Variants in TMEM131 observed in about 807,000 individuals in gnomAD.
TMEM131 encodes the protein 2610524E03Rik.
In TMEM131, 66 loss-of-function variants were observed where a neutral mutation model predicts 211.6. That is an observed-to-expected ratio of 0.31 (90% confidence interval 0.26 to 0.38). The LOEUF (loss-of-function observed/expected upper bound fraction) is 0.38. Ranked by LOEUF, TMEM131 falls within the 10% of genes least tolerant of loss-of-function variation. TMEM131 has a pLI of 1.00. For synonymous variants in TMEM131, 844 were observed against 841.3 expected (o/e 1.00, Z -0.06); for missense variants, 2,036 against 2,299.3 (o/e 0.89, Z 2.34).
intron 1 of TMEM131, among the ~76,000 whole-genome samples, chr2:97,949,654 A>T (rs1678206580): frequency 6.6e-6 from 1 of 151,394 alleles, no homozygotes; most frequent in African/African-American, 2.4e-5. Flanking sequence ...TCTACTGAAA[A>T]AAAAAATACA....
intron 1 of TMEM131, among the ~76,000 whole-genome samples, chr2:97,976,453 G>C (rs1679538992): frequency 6.6e-6 from 1 of 151,774 alleles, no homozygotes; most frequent in South Asian, 2.1e-4. Context: ...GAAATACTTA[G>C]AGATAAATAT....
chr2:97,902,085 T>TA (rs889657744), intron 3 of TMEM131, among the ~76,000 whole-genome samples: 5 of 149,240 alleles, frequency 3.4e-5, no homozygotes, highest in African/African-American at 4.9e-5. Flanking sequence ...TATGCAATAA[T>TA]AAAAAAAAAT....
At chr2:97,853,607 GAAAAA>G (rs565061872) in intron 5 of TMEM131, among the ~76,000 whole-genome samples, 2 of 125,006 alleles carry the variant, frequency 1.6e-5, no homozygotes, top group Non-Finnish European at 3.3e-5. Flanking sequence ...CCCCGTCTTG[GAAAAA>G]AAAAAAAAAA....
rs566935761 is a variant in TMEM131 at position 97,888,970 on chromosome 2, A to T, written c.291-850T>A. On this transcript the variant is annotated intron_variant, in intron 3 of 40. Transcript: ENST00000186436. The stretch of plus-strand genomic sequence containing the variant: ...CATCACTGAAATTCATAGTAACGTA[A>T]GCTTTGAAATGATATAGTAATTTCA... 4.6e-5 allele frequency among the ~76,000 whole-genome samples: 7 copies of T among 152,322 alleles called. No homozygotes were observed. The South Asian group carries it at 1.4e-3, about 32-fold the overall frequency.
intron 4 of TMEM131, among the ~76,000 whole-genome samples, chr2:97,866,355 C>T (rs1307432153): frequency 6.6e-6 from 1 of 152,216 alleles, no homozygotes; most frequent in Non-Finnish European, 1.5e-5. Flanking sequence ...GCCCTGTAAT[C>T]TTCTTTCTAT....
chr2:97,812,788 C>G, intron 15 of TMEM131, 39 bp from the exon 16 acceptor site: 1 of 1,127,644 alleles, frequency 8.9e-7, no homozygotes, highest in South Asian at 1.5e-5. Context: ...AAAAAAGTCA[C>G]ATTGATCTAA....
At chr2:97,791,613 A>T (rs1177890207) in intron 31 of TMEM131, among the ~76,000 whole-genome samples, 1 of 152,238 alleles carries the variant, frequency 6.6e-6, no homozygotes, top group African/African-American at 2.4e-5. Context: ...AGATGACATC[A>T]GCCTTGGCCA....
intron 1 of TMEM131, among the ~76,000 whole-genome samples, chr2:97,952,349 CAT>C (rs1245566802): frequency 6.6e-6 from 1 of 152,054 alleles, no homozygotes; most frequent in Non-Finnish European, 1.5e-5. Flanking sequence ...TGGTGAAAGA[CAT>C]AAACTTACAG....
rs536205653 is a variant in TMEM131 at position 97,947,426 on chromosome 2, C to T, written c.188-19939G>A. Among the ~76,000 whole-genome samples the T allele has an allele frequency of 2.0e-5, 3 of 151,908 alleles. No homozygotes were observed. The East Asian group carries it at 5.8e-4, about 29-fold the overall frequency. ...TTAGGAAAGTAGGAAAATGCAAGGC[C>T]AACATATAAAAATCAATCATATTTC... On this transcript the variant is annotated intron_variant, in intron 1 of 40. Coordinates refer to ENST00000186436, the MANE Select transcript of TMEM131 (RefSeq NM_015348.2).
intron 5 of TMEM131, among the ~76,000 whole-genome samples, chr2:97,855,960 T>C (rs190124206): frequency 3.2e-4 from 48 of 152,308 alleles, no homozygotes; most frequent in African/African-American, 9.1e-4. Flanking sequence ...TGAGAAGAGA[T>C]TGATCATTAA....
At chr2:97,925,258 G>C (rs1676934394) in intron 2 of TMEM131, among the ~76,000 whole-genome samples, 1 of 152,150 alleles carries the variant, frequency 6.6e-6, no homozygotes, top group Non-Finnish European at 1.5e-5. Context: ...AGAATCTTTT[G>C]TTATTCCATT....
At chr2:97,801,982 A>AT (rs1478597885) in intron 24 of TMEM131, 21 bp from the exon 25 acceptor site, 9 of 1,530,350 alleles carry the variant, frequency 5.9e-6, no homozygotes, top group Non-Finnish European at 8.1e-6. Context: ...AAATGTACAC[A>AT]TATTTATTCA....
chr2:97,943,037 A>AAAG lies in TMEM131; in HGVS notation c.188-15551_188-15550insCTT, dbSNP rs774698137. Among the ~76,000 whole-genome samples the AAAG allele has an allele frequency of 7.7e-3, 505 of 65,858 alleles. 8 individuals carry two copies. Among genetic ancestry groups the AAAG allele is most frequent in the African/African-American group, 0.017 (277 of 16,340 alleles). 43.2% of individuals were successfully genotyped at this position (65,858 alleles called of 152,430 possible). A position where few individuals can be genotyped will look rare whatever the true frequency, so the allele number is the denominator to read the frequency against. ...AAAAGAAAAGAAAAGAAAAGAAAAG[A>AAAG]AAAGAAAGAAAGAAAGAAAGAAAGA... On this transcript the variant is annotated intron_variant, in intron 1 of 40. Transcript: ENST00000186436.
At chr2:97,924,828 C>T (rs1676912998) in intron 2 of TMEM131, among the ~76,000 whole-genome samples, 1 of 152,102 alleles carries the variant, frequency 6.6e-6, no homozygotes, top group African/African-American at 2.4e-5. Flanking sequence ...GACTCTCAAC[C>T]CCCCTTTAAA....
intron 36 of TMEM131, chr2:97,761,476 C>T (rs1283396382): frequency 7.5e-5 from 12 of 160,216 alleles, no homozygotes; most frequent in South Asian, 1.8e-4. Context: ...GTCAGGCTTG[C>T]GGTACACTGT....
At chr2:97,897,344 C>T (rs2104315434) in intron 3 of TMEM131, among the ~76,000 whole-genome samples, 1 of 152,148 alleles carries the variant, frequency 6.6e-6, no homozygotes, top group African/African-American at 2.4e-5. Flanking sequence ...GACATCCTTG[C>T]CACTTTCCCA....
intron 2 of TMEM131, among the ~76,000 whole-genome samples, chr2:97,915,171 CCT>C (rs201811461): frequency 0.025 from 3,780 of 152,268 alleles, 53 homozygotes; most frequent in Middle Eastern, 0.065. Flanking sequence ...ATCTCTTTTC[CCT>C]GTTTCCTTTA....
intron 11 of TMEM131, among the ~76,000 whole-genome samples, chr2:97,826,220 C>T (rs1460816823): frequency 6.6e-6 from 1 of 152,208 alleles, no homozygotes; most frequent in East Asian, 1.9e-4. Flanking sequence ...TAAGCCTCTT[C>T]TCCTAGGGAG....
chr2:97,839,033 A>C (rs1013473657), intron 7 of TMEM131, among the ~76,000 whole-genome samples: 1 of 152,196 alleles, frequency 6.6e-6, no homozygotes, highest in East Asian at 1.9e-4. Context: ...GCTTGAAAAC[A>C]GAAGATTAGA....
Sources: gnomAD v4.1 joint callset for allele counts (sites outside exome capture counted in the v4.1 genomes callset) on GRCh38, gnomAD v4.1.1 for gene constraint, MANE v1.5 for transcripts, NCBI Gene and HGNC (gene_info 2026-07-23, HGNC 2026-07-21) for gene names.